The following GNAO1 variants were observed in gnomAD, a reference collection of about 807,000 sequenced individuals.
GNAO1 encodes the protein guanine nucleotide-binding protein G(o) subunit alpha.
For synonymous variants in GNAO1, 164 were observed against 180.7 expected, an observed-to-expected ratio of 0.91 and a Z score of 0.74; for missense variants, 166 against 478.7, an observed-to-expected ratio of 0.35 and a Z score of 6.10.
chr16:56,282,369 AT>A (rs36048827), intron 3 of GNAO1, among the ~76,000 whole-genome samples: 105,723 of 152,162 alleles, frequency 0.69, 37,111 homozygotes, highest in East Asian at 0.79. Context: ...AATTATTCTC[AT>A]TTATTTGTCT....
intron 2 of GNAO1, among the ~76,000 whole-genome samples, chr16:56,209,691 T>C (rs2143327600): frequency 6.6e-6 from 1 of 152,346 alleles, no homozygotes; most frequent in South Asian, 2.1e-4. Context: ...TTTTGTTAGA[T>C]TTATAACTAG....
In GNAO1 at chr16:56,246,647, C is replaced by T. The variant is rs559633859; in HGVS notation, c.162-29284C>T. 7.2e-5 allele frequency among the ~76,000 whole-genome samples: 11 copies of T among 152,116 alleles called. No homozygotes were observed. The South Asian group carries it at 1.9e-3, about 26-fold the overall frequency. On this transcript the variant is annotated intron_variant, in intron 2 of 8. Coordinates refer to ENST00000262493, the MANE Select transcript of GNAO1 (RefSeq NM_020988.3). ...CCATAAGGAAAAGCTCACACGGCAC[C>T]GCTGTCCCCACAGCGCCCTGCTGTG...
chr16:56,344,000 C>G lies in GNAO1; in HGVS notation c.723+7140C>G, dbSNP rs377000660. On this transcript the variant is annotated intron_variant, in intron 6 of 8. Transcript: ENST00000262493. The stretch of plus-strand genomic sequence containing the variant: ...TTGCCCTGCCTGGCCTGCCGCCCCC[C>G]CTCCCCTGGAACCAGGCTCCACCAC... 2.6e-5 allele frequency: 41 copies of G among 1,598,438 alleles called. 1 individual carries two copies. In the Admixed American group the frequency reaches 4.9e-4, roughly 19 times the overall value.
chr16:56,218,841 G>A (rs945704615), intron 2 of GNAO1, among the ~76,000 whole-genome samples: 5 of 152,198 alleles, frequency 3.3e-5, no homozygotes, highest in African/African-American at 1.2e-4. Context: ...CAGCATAGAT[G>A]TCACCTCACG....
intron 6 of GNAO1, among the ~76,000 whole-genome samples, chr16:56,343,028 T>A (rs1596876896): frequency 6.7e-6 from 1 of 149,392 alleles, no homozygotes; most frequent in Non-Finnish European, 1.5e-5. Context: ...AACCTGGGAG[T>A]CGGAGGTTGC....
intron 2 of GNAO1, among the ~76,000 whole-genome samples, chr16:56,252,032 A>G (rs2036804429): frequency 6.6e-6 from 1 of 152,196 alleles, no homozygotes; most frequent in South Asian, 2.1e-4. Context: ...AAGGAGCTAT[A>G]AGCAGAAATT....
intron 3 of GNAO1, among the ~76,000 whole-genome samples, chr16:56,296,165 C>T (rs2037286258): frequency 6.6e-6 from 1 of 152,192 alleles, no homozygotes; most frequent in South Asian, 2.1e-4. Context: ...CCAGCCAAAA[C>T]CGAATGGGCT....
At chr16:56,258,572 T>A (rs756219245) in intron 2 of GNAO1, among the ~76,000 whole-genome samples, 7 of 152,156 alleles carry the variant, frequency 4.6e-5, no homozygotes, top group African/African-American at 1.7e-4. Context: ...CAGGGCCTGA[T>A]GATGGTGGAT....
chr16:56,263,443 T>C (rs2036923234), intron 2 of GNAO1, among the ~76,000 whole-genome samples: 1 of 152,128 alleles, frequency 6.6e-6, no homozygotes, highest in Non-Finnish European at 1.5e-5. Context: ...AAACAGATGG[T>C]ATACAAATAA....
intron 4 of GNAO1, among the ~76,000 whole-genome samples, chr16:56,330,003 G>T (rs1040357855): frequency 6.6e-6 from 1 of 152,230 alleles, no homozygotes; most frequent in African/African-American, 2.4e-5. Context: ...AATGGACAGA[G>T]GCTGAGGCCA....
chr16:56,231,672 T>G (rs1596811026), intron 2 of GNAO1, among the ~76,000 whole-genome samples: 1 of 152,320 alleles, frequency 6.6e-6, no homozygotes, highest in East Asian at 1.9e-4. Flanking sequence ...TAAATCTGAA[T>G]GCAGACTGTG....
intron 3 of GNAO1, among the ~76,000 whole-genome samples, chr16:56,322,625 C>G (rs927920915): frequency 1.3e-5 from 2 of 152,002 alleles, no homozygotes; most frequent in African/African-American, 4.8e-5. Flanking sequence ...GCTGGGTACC[C>G]GTTAGTTCTC....
intron 2 of GNAO1, among the ~76,000 whole-genome samples, chr16:56,227,645 G>A (rs1374376813): frequency 7.9e-6 from 1 of 126,950 alleles, no homozygotes; most frequent in African/African-American, 3.0e-5. Flanking sequence ...CCATGACAGT[G>A]CCATTATGCT....
In GNAO1 at chr16:56,357,056, GAA is replaced by G. The variant is rs34097380; in HGVS notation, c.*991_*992del. On this transcript the variant is annotated 3_prime_UTR_variant, in exon 9 of 9. Coordinates refer to ENST00000262493, the MANE Select transcript of GNAO1 (RefSeq NM_020988.3). ...AAAAATTTTTAAATACCACAAGATG[GAA>G]AAAAAAAACAAAAAAATTTAAAAAG... 1.4e-5 allele frequency: 2 copies of G among 144,216 alleles called. No homozygotes were observed. The highest frequency in any genetic ancestry group is 1.5e-5 in the Non-Finnish European group (1 of 65,618). 8.9% of individuals were successfully genotyped at this position (144,216 alleles called of 1,614,324 possible). A position where few individuals can be genotyped will look rare whatever the true frequency, so the allele number is the denominator to read the frequency against.
At chr16:56,279,712 G>C (rs1321863376) in intron 3 of GNAO1, among the ~76,000 whole-genome samples, 2 of 152,172 alleles carry the variant, frequency 1.3e-5, no homozygotes, top group East Asian at 3.9e-4. Flanking sequence ...TTTCCATAGA[G>C]CAGTGGGCCC....
intron 6 of GNAO1, among the ~76,000 whole-genome samples, chr16:56,348,707 C>T (rs956477203): frequency 3.3e-5 from 5 of 150,526 alleles, no homozygotes; most frequent in South Asian, 2.1e-4. Context: ...TTCCAGGCAG[C>T]GTGCCGAGGG....
chr16:56,210,970 A>C (rs1381325472), intron 2 of GNAO1, among the ~76,000 whole-genome samples: 1 of 152,160 alleles, frequency 6.6e-6, no homozygotes, highest in Non-Finnish European at 1.5e-5. Context: ...TTTTAAATTG[A>C]TCCACCTTAA....
chr16:56,282,707 G>A (rs1181330220), intron 3 of GNAO1, among the ~76,000 whole-genome samples: 1 of 152,228 alleles, frequency 6.6e-6, no homozygotes, highest in Admixed American at 6.5e-5. Flanking sequence ...TTTTAGGAAA[G>A]CAGAAGCTAC....
chr16:56,210,184 T>G (rs1344057261), intron 2 of GNAO1, among the ~76,000 whole-genome samples: 1 of 152,202 alleles, frequency 6.6e-6, no homozygotes, highest in Non-Finnish European at 1.5e-5. Context: ...CTTTTCAGAT[T>G]GGCTTTTTCT....
Sources: gnomAD v4.1 joint callset for allele counts (sites outside exome capture counted in the v4.1 genomes callset) on GRCh38, gnomAD v4.1.1 for gene constraint, MANE v1.5 for transcripts, NCBI Gene and HGNC (gene_info 2026-07-23, HGNC 2026-07-21) for gene names.